The following EVL variants were observed in gnomAD, a reference collection of about 807,000 sequenced individuals.
EVL encodes Enah/Vasp-like.
A neutral mutation model predicts 59.6 loss-of-function variants in EVL; 21 were observed. The observed-to-expected ratio is 0.35, with a 90% CI of 0.25 to 0.51. EVL has a LOEUF of 0.51. Ranked by LOEUF, EVL falls within the 20% of genes least tolerant of loss-of-function variation. The pLI, the probability that EVL is intolerant of heterozygous loss-of-function variation, is 0.97. For synonymous variants in EVL, 198 were observed against 203.5 expected (o/e 0.97, Z 0.23); for missense variants, 462 against 546.6 (o/e 0.85, Z 1.54).
chr14:100,004,238 T>G (rs762953539), intron 1 of EVL, among the ~76,000 whole-genome samples: 3 of 152,122 alleles, frequency 2.0e-5, no homozygotes, highest in Non-Finnish European at 2.9e-5. Context: ...CAAACAAATG[T>G]TAGCATCAGG....
chr14:100,136,253 G>C (rs1205584958), intron 9 of EVL, among the ~76,000 whole-genome samples: 2 of 152,266 alleles, frequency 1.3e-5, no homozygotes, highest in Non-Finnish European at 2.9e-5. Flanking sequence ...GCACTTGCCT[G>C]ACGGCACATA....
intron 1 of EVL, chr14:100,019,551 T>C (rs1595567238): frequency 2.4e-6 from 2 of 845,788 alleles, no homozygotes; most frequent in South Asian, 3.7e-5. Context: ...TATTGGGGGG[T>C]GTGGAAACCC....
intron 1 of EVL, among the ~76,000 whole-genome samples, chr14:100,028,409 A>G (rs541321075): frequency 4.4e-4 from 67 of 152,196 alleles, no homozygotes; most frequent in African/African-American, 1.6e-3. Flanking sequence ...TCTTTTGCCC[A>G]TTTTTAAATC....
At chr14:100,125,169 T>C (rs1429379944) in intron 4 of EVL, among the ~76,000 whole-genome samples, 10 of 103,110 alleles carry the variant, frequency 9.7e-5, no homozygotes, top group African/African-American at 4.2e-4. Context: ...AAGGCAGGAA[T>C]ACACACACAC....
intron 1 of EVL, among the ~76,000 whole-genome samples, chr14:100,000,220 G>A (rs948361547): frequency 6.6e-6 from 1 of 152,098 alleles, no homozygotes; most frequent in Non-Finnish European, 1.5e-5. Flanking sequence ...ATTTTAGGGA[G>A]ACATGAGACA....
intron 3 of EVL, among the ~76,000 whole-genome samples, chr14:100,115,510 C>G (rs1284737277): frequency 6.6e-6 from 1 of 152,248 alleles, no homozygotes; most frequent in Non-Finnish European, 1.5e-5. Flanking sequence ...GTCAGTCCCC[C>G]ACTCTCTGAA....
At chr14:100,132,165 G>A (rs756648903) in intron 7 of EVL, among the ~76,000 whole-genome samples, 3 of 151,402 alleles carry the variant, frequency 2.0e-5, no homozygotes, top group Non-Finnish European at 2.9e-5. Context: ...GGAGGTGCAC[G>A]AACCGACTCA....
intron 1 of EVL, among the ~76,000 whole-genome samples, chr14:100,040,447 T>C (rs1338647296): frequency 2.0e-5 from 3 of 152,148 alleles, no homozygotes; most frequent in African/African-American, 7.2e-5. Context: ...TTTTTCCTTT[T>C]AGCATGGGAG....
Position 99,992,364 on chromosome 14 carries a change from A to G in EVL, c.5+20307A>G, listed in dbSNP as rs114144423. Among the ~76,000 whole-genome samples, 842 of 152,082 alleles carry G rather than the reference A, an allele frequency of 5.5e-3. 8 individuals are homozygous for G. Among genetic ancestry groups the G allele is most frequent in the African/African-American group, 0.019 (795 of 41,472 alleles). On this transcript the variant is annotated intron_variant, in intron 1 of 13. Coordinates refer to the EVL transcript ENST00000402714. ...TCTGGATATTAATCATTTACCATATATGTGATTTGCAAATATTTTTTCCCA... is the reference window on the plus strand; with the variant it reads ...TCTGGATATTAATCATTTACCATATGTGTGATTTGCAAATATTTTTTCCCA...
Position 100,080,765 on chromosome 14 carries a change from C to T in EVL, c.12-3922C>T, listed in dbSNP as rs1595145528. On this transcript the variant is annotated intron_variant, in intron 1 of 13. Coordinates refer to ENST00000392920, the MANE Select transcript of EVL (RefSeq NM_016337.3). ...CCAGGGGGGAAAGAAGTCCACCAACCTGGTAACTTAACACCATGCAGAACA... is the reference window on the plus strand; with the variant it reads ...CCAGGGGGGAAAGAAGTCCACCAACTTGGTAACTTAACACCATGCAGAACA... Among the ~76,000 whole-genome samples the T allele has an allele frequency of 5.3e-5, 8 of 152,314 alleles. 1 individual carries two copies. In the East Asian group the frequency reaches 1.5e-3, roughly 29 times the overall value.
chr14:100,122,623 A>C (rs1887771023), intron 3 of EVL, among the ~76,000 whole-genome samples: 1 of 152,190 alleles, frequency 6.6e-6, no homozygotes, highest in African/African-American at 2.4e-5. Flanking sequence ...GGCAGAAACA[A>C]AGCCACTTCC....
At chr14:100,015,301 G>A (rs1421649648) in intron 1 of EVL, among the ~76,000 whole-genome samples, 5 of 152,196 alleles carry the variant, frequency 3.3e-5, no homozygotes, top group South Asian at 2.1e-4. Context: ...CGAAGGTACC[G>A]GTTAAGCTGA....
At chr14:100,121,716 G>A (rs567848551) in intron 3 of EVL, among the ~76,000 whole-genome samples, 1 of 152,306 alleles carries the variant, frequency 6.6e-6, no homozygotes, top group South Asian at 2.1e-4. Context: ...GCAAAATGGG[G>A]AATCCAAAGC....
intron 1 of EVL, among the ~76,000 whole-genome samples, chr14:100,016,684 C>T (rs1243127366): frequency 1.3e-5 from 2 of 152,212 alleles, no homozygotes; most frequent in African/African-American, 4.8e-5. Flanking sequence ...TGTCAGGAGT[C>T]ACGGACCCTC....
intron 1 of EVL, among the ~76,000 whole-genome samples, chr14:100,039,202 G>A (rs546856850): frequency 2.1e-4 from 32 of 152,290 alleles, no homozygotes; most frequent in South Asian, 1.2e-3. Flanking sequence ...ATGAAGTTCA[G>A]TTATTTTCTA....
intron 1 of EVL, among the ~76,000 whole-genome samples, chr14:100,084,197 ATGTGCCACCGTGCCTGGCTAATTTT>A (rs1477239137): frequency 6.6e-6 from 1 of 151,924 alleles, no homozygotes; most frequent in African/African-American, 2.4e-5. Context: ...GATTACAGGC[ATGTGCCACCGTGCCTGGCTAATTTT>A]TGTGTTTTTA....
At chr14:100,047,514 G>A (rs12431406) in intron 1 of EVL, among the ~76,000 whole-genome samples, 1 of 151,870 alleles carries the variant, frequency 6.6e-6, no homozygotes, top group East Asian at 1.9e-4. Context: ...CATTGCTCCG[G>A]GACAGACAGC....
chr14:100,118,741 C>T (rs1420283607), intron 3 of EVL, among the ~76,000 whole-genome samples: 1 of 152,208 alleles, frequency 6.6e-6, no homozygotes, highest in Non-Finnish European at 1.5e-5. Context: ...TTCAGGAGGG[C>T]TCATGGCTGA....
chr14:100,054,350 G>A (rs965494642), intron 1 of EVL, among the ~76,000 whole-genome samples: 2 of 152,170 alleles, frequency 1.3e-5, no homozygotes, highest in African/African-American at 4.8e-5. Context: ...AGCGTGCCCG[G>A]CTGACGTTTT....
Sources: allele counts gnomAD v4.1 joint callset (sites outside exome capture counted in the v4.1 genomes callset), GRCh38; gene constraint gnomAD v4.1.1; transcripts MANE v1.5; gene names NCBI Gene and HGNC (gene_info 2026-07-23, HGNC 2026-07-21).